Variants in FGA observed in about 807,000 individuals in gnomAD.
FGA encodes fibrinogen, A alpha polypeptide.
A neutral mutation model predicts 20.3 loss-of-function variants in FGA; 20 were observed. That is an observed-to-expected ratio of 0.99 (90% CI 0.69 to 1.43). The LOEUF (loss-of-function observed/expected upper bound fraction) is 1.43. FGA is among the 40% of genes most tolerant of loss of function. The pLI is 0.00. For missense variants in FGA, 777 were observed against 784.7 expected, an observed-to-expected ratio of 0.99 and a Z score of 0.12; for synonymous variants, 306 against 281.6, an observed-to-expected ratio of 1.09 and a Z score of -0.87.
chr4:154,584,015 A>G (rs1730644881), downstream of FGA: 8 of 842,892 alleles, frequency 9.5e-6, no homozygotes, highest in South Asian at 1.1e-4. Flanking sequence ...AGAAAATAGC[A>G]CCTAGGAATT....
At chr4:154,584,835 T>TA (rs745514387), downstream of FGA, 3,402 of 1,494,740 alleles carry the variant, frequency 2.3e-3, no homozygotes, top group Non-Finnish European at 2.8e-3. Flanking sequence ...CATCACAGTC[T>TA]AAAAAAAAAA....
In FGA at chr4:154,586,172, A is replaced by T. The variant is rs1211193078; in HGVS notation, c.1257T>A (p.Asn419Lys). 2.5e-6 allele frequency: 4 copies of T among 1,614,100 alleles called. No individual in the cohort carries two copies. Among genetic ancestry groups the T allele is most frequent in the Non-Finnish European group, 3.4e-6 (4 of 1,180,026 alleles). Residue 419 changes from asparagine (N) to lysine (K), a missense_variant, in exon 5 of 5, where the codon AAT (asparagine) becomes AAA (lysine). Transcript: ENST00000403106. Reference sequence around the variant, plus strand: ...ACTCTCTCCTTGTCCCTGGACTTACATTTCCTGACACCTCTTCAAATGTGC... The same window carrying T: ...ACTCTCTCCTTGTCCCTGGACTTACTTTTCCTGACACCTCTTCAAATGTGC... ...DWGTFEEVSG[N>K]VSPGTRREYH...
chr4:154,585,472 G>T lies in FGA; in HGVS notation c.*22C>A. On this transcript the variant is annotated 3_prime_UTR_variant, in exon 5 of 5. Transcript: ENST00000403106. ...AAATGCAAGGGGCCATGGGAACACT[G>T]TGCAGAAATATTTAACTTAGTCTAG... The T allele has an allele frequency of 6.9e-7, 1 of 1,458,658 alleles. No homozygotes were observed. The highest frequency in any genetic ancestry group is 9.6e-7 in the Non-Finnish European group (1 of 1,039,152). The allele number at this position is 1,458,658 out of a possible 1,614,324, so 90.4% of individuals were successfully genotyped here. A position where few individuals can be genotyped will look rare whatever the true frequency, so the allele number is the denominator to read the frequency against.
downstream of FGA, chr4:154,584,089 A>AGAAGACAGAGTGCTCCGATTCCCACTTC: frequency 7.3e-7 from 1 of 1,369,322 alleles, no homozygotes; most frequent in Non-Finnish European, 1.0e-6. Flanking sequence ...TCTCTAGCAA[A>AGAAGACAGAGTGCTCCGATTCCCACTTC]GAAGACAGAG....
In FGA at chr4:154,587,745, G is replaced by GAGAAAGAAAGAA. The variant is rs60443975; in HGVS notation, c.365-100_365-89dup. On this transcript the variant is annotated intron_variant, in intron 3 of 4. Coordinates refer to ENST00000403106, the MANE Select transcript of FGA (RefSeq NM_021871.4). ...AAAAGAAAGGAAGAAAGGAAGGAAG[G>GAGAAAGAAAGAA]AGAAAGAAAGAAAGAAAGAAAGAAA... 0.043 allele frequency: 22,475 copies of GAGAAAGAAAGAA among 523,132 alleles called. 770 individuals are homozygous for GAGAAAGAAAGAA. The highest frequency in any genetic ancestry group is 0.077 in the African/African-American group (3,273 of 42,720). 32.4% of individuals were successfully genotyped at this position (523,132 alleles called of 1,614,324 possible).
intron 4 of FGA, 149 bp from the exon 5 acceptor site, chr4:154,587,067 G>A: frequency 1.3e-6 from 1 of 778,910 alleles, no homozygotes. Context: ...TCTGTTTTCT[G>A]CCTATCGAGC....
chr4:154,590,032 T>C (rs1291189365), intron 1 of FGA, among the ~76,000 whole-genome samples: 1 of 152,258 alleles, frequency 6.6e-6, no homozygotes, highest in Admixed American at 6.5e-5. Flanking sequence ...CAAGTTTCTA[T>C]GTAACCTTTA....
At chr4:154,584,102 C>CTCCCATTCCCACTTCGAAGACAGAGTGA, downstream of FGA, 1 of 1,566,740 alleles carries the variant, frequency 6.4e-7, no homozygotes, top group Non-Finnish European at 8.8e-7. Context: ...AGACAGAGTG[C>CTCCCATTCCCACTTCGAAGACAGAGTGA]TCCCATTCCC....
In FGA at chr4:154,586,729, G is replaced by T. The variant is rs1332993638; in HGVS notation, c.700C>A (p.Pro234Thr). 6.2e-7 allele frequency: 1 copy of T among 1,614,140 alleles called. No individual in the cohort carries two copies. The highest frequency in any genetic ancestry group is 2.2e-5 in the East Asian group (1 of 44,882). ...TGAAGCTGGCTCTTAAAATTTCCGG[G>T]AACCAAGTCTGGAACTGGTTTCATT... ...IKMKPVPDLV[P>T]GNFKSQLQKV... The change falls in exon 5 of 5, where the codon CCC becomes ACC. Residue 234 changes from proline to threonine, a missense_variant. Physicochemically the swap from Pro to Thr is conservative, Grantham distance 38. Coordinates refer to ENST00000403106, the MANE Select transcript of FGA (RefSeq NM_021871.4).
Position 154,585,428 on chromosome 4 carries a change from T to TA in FGA, c.*65dup, listed in dbSNP as rs1730681038. 6 of 1,236,530 alleles carry TA rather than the reference T, an allele frequency of 4.9e-6. No individual in the cohort carries two copies. The highest frequency in any genetic ancestry group is 5.9e-6 in the Non-Finnish European group (5 of 849,972). The allele number at this position is 1,236,530 out of a possible 1,614,324, so 76.6% of individuals were successfully genotyped here. On this transcript the variant is annotated 3_prime_UTR_variant, in exon 5 of 5. Transcript: ENST00000403106. ...AAAAAAGTGTAGTTTCAATGACGTGTAACAGAGAGTTAAGAAGGAAATGCA... is the reference window on the plus strand; with the variant it reads ...AAAAAAGTGTAGTTTCAATGACGTGTAAACAGAGAGTTAAGAAGGAAATGCA...
At chr4:154,584,766 C>T (rs772074438), downstream of FGA, 48 of 1,613,802 alleles carry the variant, frequency 3.0e-5, no homozygotes, top group South Asian at 8.8e-5. Flanking sequence ...TACTGGATCC[C>T]GGTAGCTTGA....
At chr4:154,590,455 G>T (rs1730841261) in intron 1 of FGA, among the ~76,000 whole-genome samples, 179 bp downstream of exon 1, 1 of 152,068 alleles carries the variant, frequency 6.6e-6, no homozygotes, top group African/African-American at 2.4e-5. Context: ...TCTTCCTCTT[G>T]GTGTCATATT....
chr4:154,587,779 G>GAAAGAAAA, intron 3 of FGA, 122 bp from the exon 4 acceptor site: 1 of 687,122 alleles, frequency 1.5e-6, no homozygotes, highest in Non-Finnish European at 2.4e-6. Context: ...AAGAAAGAAA[G>GAAAGAAAA]AAAGAAAGAA....
At chr4:154,584,817 G>A, downstream of FGA, 3 of 1,612,866 alleles carry the variant, frequency 1.9e-6, no homozygotes, top group Non-Finnish European at 2.5e-6. Context: ...GATGTGTTTG[G>A]AGGACATCAT....
At position 154,587,032 on chromosome 4, in the gene FGA, C is replaced by T. The variant is rs1381127676; in HGVS notation, c.511-114G>A. ...TGGAAACTGGTTTCATTTTTTTTGA[C>T]TCGGAGACCTACCACTTAATATTCT... On this transcript the variant is annotated intron_variant, in intron 4 of 4. Coordinates refer to ENST00000403106, the MANE Select transcript of FGA (RefSeq NM_021871.4). 4.0e-6 allele frequency: 4 copies of T among 994,150 alleles called. No homozygotes were observed. In the Admixed American group the frequency reaches 6.0e-5, roughly 15 times the overall value. The allele number at this position is 994,150 out of a possible 1,614,324, so 61.6% of individuals were successfully genotyped here. A position where few individuals can be genotyped will look rare whatever the true frequency, so the allele number is the denominator to read the frequency against.
chr4:154,587,664 T>A lies in FGA; in HGVS notation c.365-7A>T. 1.2e-6 allele frequency: 2 copies of A among 1,612,844 alleles called. No individual in the cohort carries two copies. Among genetic ancestry groups the A allele is most frequent in the Non-Finnish European group, 1.7e-6 (2 of 1,179,736 alleles). On this transcript the variant is annotated splice_region_variant and splice_polypyrimidine_tract_variant and intron_variant, in intron 3 of 4. Coordinates refer to ENST00000403106, the MANE Select transcript of FGA (RefSeq NM_021871.4). ...TTGTAGGTATTATCACGGTCTGAAA[T>A]CGAAAATATGGTTATTGAAGTAGCT...
chr4:154,588,722 G>A (rs1038688017), intron 3 of FGA, 71 bp downstream of exon 3: 49 of 1,063,068 alleles, frequency 4.6e-5, no homozygotes, highest in Admixed American at 2.4e-4. Flanking sequence ...AGATATAAGC[G>A]GATATCATAT....
intron 1 of FGA, 126 bp downstream of exon 1, chr4:154,590,508 T>G: frequency 1.2e-6 from 1 of 828,304 alleles, no homozygotes; most frequent in African/African-American, 1.7e-5. Context: ...GGAAATTTCC[T>G]CCCAGGCCTG....
rs1274800534 is a variant in FGA, at chr4:154,585,701, A to G, written c.1728T>C (p.Ser576=). ...TAGTAAATTGTTTGCTGTAACTTGA[A>G]GATTTACCACGGGAAGGGAATTCAG... The part of the protein sequence containing the change: ...GIAEFPSRGK[S]SSYSKQFTSS... The change falls in exon 5 of 5, where the codon TCT becomes TCC. Residue 576 remains serine (S), a synonymous_variant. Transcript: ENST00000403106. 3.1e-6 allele frequency: 5 copies of G among 1,614,164 alleles called. No individual in the cohort carries two copies. The African/African-American group carries it at 6.7e-5, about 22-fold the overall frequency.
Sources: allele counts gnomAD v4.1 joint callset (sites outside exome capture counted in the v4.1 genomes callset), GRCh38; gene constraint gnomAD v4.1.1; transcripts MANE v1.5; gene names NCBI Gene and HGNC (gene_info 2026-07-23, HGNC 2026-07-21).